PRKCH: variants seen among roughly 807,000 people sequenced by gnomAD.
PRKCH encodes protein kinase C eta.
PRKCH carries 28 observed loss-of-function variants against 82.5 expected under a neutral mutation model. The observed-to-expected ratio is 0.34, with a 90% CI of 0.25 to 0.47. The LOEUF is 0.47. Among genes scored for constraint, PRKCH ranks in the 20% least tolerant of loss-of-function variants. The probability of loss-of-function intolerance (pLI) is 1.00; values close to 1 mark genes in which losing one functional copy is unlikely to be tolerated. For synonymous variants in PRKCH, 322 were observed against 327.4 expected (o/e 0.98, Z 0.18); for missense variants, 705 against 881.8 (o/e 0.80, Z 2.54).
At chr14:61,205,787 C>T (rs1244493221) in intron 1 of PRKCH, among the ~76,000 whole-genome samples, 4 of 152,126 alleles carry the variant, frequency 2.6e-5, no homozygotes, top group Non-Finnish European at 4.4e-5. Context: ...TGCAACATTC[C>T]TTGGTCGGGA....
intron 1 of PRKCH, among the ~76,000 whole-genome samples, chr14:61,210,754 T>TTCTCTCTCTCTCTC (rs57385240): frequency 6.2e-5 from 9 of 144,424 alleles, no homozygotes; most frequent in African/African-American, 2.1e-4. Flanking sequence ...CAAGAGTCCT[T>TTCTCTCTCTCTCTC]TCTCTCTCTC....
intron 1 of PRKCH, among the ~76,000 whole-genome samples, chr14:61,357,220 C>T (rs991523093): frequency 5.3e-5 from 8 of 152,298 alleles, no homozygotes; most frequent in South Asian, 2.1e-4. Flanking sequence ...TGGTGCTGCC[C>T]GTTTCTCCCA....
intron 12 of PRKCH, among the ~76,000 whole-genome samples, chr14:61,540,484 C>A (rs2043169245): frequency 6.6e-6 from 1 of 152,210 alleles, no homozygotes; most frequent in Non-Finnish European, 1.5e-5. Flanking sequence ...CTGACTGTAG[C>A]ACTCCCAAAC....
chr14:61,359,782 TTAAAA>T (rs2046199040), intron 1 of PRKCH, among the ~76,000 whole-genome samples: 3 of 152,332 alleles, frequency 2.0e-5, no homozygotes, highest in Non-Finnish European at 2.9e-5. Flanking sequence ...TTAAATTGAA[TTAAAA>T]TAAAATGAAG....
intron 1 of PRKCH, among the ~76,000 whole-genome samples, chr14:61,189,982 A>G (rs2044397248): frequency 6.6e-6 from 1 of 151,998 alleles, no homozygotes; most frequent in Non-Finnish European, 1.5e-5. Context: ...TTTCTGGGAC[A>G]GCACAAGGAC....
At chr14:61,377,392 T>C (rs2046440807) in intron 1 of PRKCH, among the ~76,000 whole-genome samples, 1 of 152,256 alleles carries the variant, frequency 6.6e-6, no homozygotes, top group African/African-American at 2.4e-5. Flanking sequence ...ACATGATTTG[T>C]CTTTATTTCC....
rs1251544165 is a variant in PRKCH at position 61,280,910 on chromosome 14, C to G, written c.-19+93242C>G. ...AGCGCCCGGCCCTGGCCAGCCGCGG[C>G]GCACACCGAGCAGTTACCGGTGCCC... On this transcript the variant is annotated intron_variant, in intron 1 of 3. Transcript: ENST00000555185. The surrounding 1 kb of genome is among the most constrained non-coding windows in gnomAD (Gnocchi z 5.0). 6.5e-7 allele frequency: 1 copy of G among 1,545,792 alleles called. No individual in the cohort carries two copies. The highest frequency in any genetic ancestry group is 8.7e-7 in the Non-Finnish European group (1 of 1,151,052).
chr14:61,253,404 G>A (rs2044964316), intron 1 of PRKCH, among the ~76,000 whole-genome samples: 1 of 152,134 alleles, frequency 6.6e-6, no homozygotes, highest in South Asian at 2.1e-4. Context: ...GAAAGGAGAT[G>A]TGTTTGAGAT....
At chr14:61,271,442 G>T (rs908855667) in intron 1 of PRKCH, among the ~76,000 whole-genome samples, 5 of 152,116 alleles carry the variant, frequency 3.3e-5, no homozygotes, top group African/African-American at 1.2e-4. Context: ...GGGCTGTCTT[G>T]ACTATTCTTG....
At chr14:61,272,000 C>A (rs923436446) in intron 1 of PRKCH, among the ~76,000 whole-genome samples, 1 of 151,770 alleles carries the variant, frequency 6.6e-6, no homozygotes, top group African/African-American at 2.4e-5. Context: ...CCGAGGCGGG[C>A]GGATCACGAG....
In PRKCH at chr14:61,292,792, A is replaced by G. The variant is rs905240882; in HGVS notation, c.-19+105124A>G. Among the ~76,000 whole-genome samples, 302 of 148,656 alleles carry G rather than the reference A, an allele frequency of 2.0e-3. 10 individuals are homozygous for G. The East Asian group carries it at 0.055, about 27-fold the overall frequency. The stretch of plus-strand genomic sequence containing the variant: ...TCTCCAAAAAAAAAAAAAAAAAAAA[A>G]GCACCAAGCTGGGTGTTGTGGCTTG... On this transcript the variant is annotated intron_variant, in intron 1 of 3. Coordinates refer to the PRKCH transcript ENST00000555185.
At chr14:61,504,344 A>ACCT (rs1887047775) in intron 10 of PRKCH, among the ~76,000 whole-genome samples, 1 of 151,838 alleles carries the variant, frequency 6.6e-6, no homozygotes, top group African/African-American at 2.4e-5. Flanking sequence ...GCTCACCACC[A>ACCT]CCCCCGGCTA....
intron 10 of PRKCH, 113 bp from the exon 11 acceptor site, chr14:61,528,962 A>ACGTGTG (rs1169181545): frequency 2.9e-5 from 27 of 932,368 alleles, no homozygotes; most frequent in Admixed American, 1.8e-4. Context: ...ATGCGGCCGC[A>ACGTGTG]TGTGGCCGCA....
At chr14:61,547,084 C>T (rs1265471391) in intron 12 of PRKCH, among the ~76,000 whole-genome samples, 1 of 152,226 alleles carries the variant, frequency 6.6e-6, no homozygotes. Flanking sequence ...GCAATGGAAT[C>T]TCAGTCATTG....
chr14:61,334,213 T>G (rs984773434), intron 1 of PRKCH, among the ~76,000 whole-genome samples: 7 of 152,162 alleles, frequency 4.6e-5, no homozygotes, highest in African/African-American at 1.7e-4. Flanking sequence ...GTATCTACCT[T>G]GTGCCTGAGC....
intron 12 of PRKCH, among the ~76,000 whole-genome samples, chr14:61,540,230 C>G (rs1419930899): frequency 6.6e-6 from 1 of 152,128 alleles, no homozygotes; most frequent in Non-Finnish European, 1.5e-5. Context: ...TCCATAGAAT[C>G]AGAGGAAAAA....
At chr14:61,485,454 A>G in intron 9 of PRKCH, 48 bp from the exon 10 acceptor site, 1 of 1,594,200 alleles carries the variant, frequency 6.3e-7, no homozygotes. Context: ...ATGGAGCTCT[A>G]GGTTAATTGC....
intron 1 of PRKCH, chr14:61,304,572 C>A (rs1277654227): frequency 6.6e-6 from 1 of 151,766 alleles, no homozygotes; most frequent in Admixed American, 6.6e-5. Context: ...CACTTGTAAT[C>A]CCAGCACTTT....
intron 9 of PRKCH, among the ~76,000 whole-genome samples, chr14:61,460,433 T>C (rs1391153773): frequency 6.6e-6 from 1 of 152,202 alleles, no homozygotes; most frequent in Non-Finnish European, 1.5e-5. Flanking sequence ...GGTATATGCA[T>C]TTCACATTTT....
Sources: allele counts gnomAD v4.1 joint callset (sites outside exome capture counted in the v4.1 genomes callset), GRCh38; gene constraint gnomAD v4.1.1; non-coding constraint Gnocchi (gnomAD v3.1); transcripts MANE v1.5; gene names NCBI Gene and HGNC (gene_info 2026-07-23, HGNC 2026-07-21).